WWOX: variants seen among roughly 807,000 people sequenced by gnomAD.
WWOX encodes the protein WW domain-containing oxidoreductase.
WWOX carries 69 observed loss-of-function variants against 46.2 expected under a neutral mutation model. The observed-to-expected ratio is 1.49, with a 90% CI of 1.23 to 1.82. The LOEUF (loss-of-function observed/expected upper bound fraction) is 1.82. Ranked by LOEUF, WWOX falls within the 40% of genes most tolerant of loss-of-function variation. The probability of loss-of-function intolerance (pLI) is 0.00; values close to 1 mark genes in which losing one functional copy is unlikely to be tolerated. For synonymous variants in WWOX, 359 were observed against 202.6 expected (o/e 1.77, Z -6.56); for missense variants, 919 against 542.6 (o/e 1.69, Z -6.89).
intron 8 of WWOX, among the ~76,000 whole-genome samples, chr16:78,882,577 A>G (rs1183035051): frequency 4.6e-5 from 7 of 151,440 alleles, no homozygotes; most frequent in Non-Finnish European, 7.4e-5. Flanking sequence ...CCCAGGTTCA[A>G]GTGATCCTCT....
chr16:78,653,481 C>T (rs1272348866), intron 8 of WWOX, among the ~76,000 whole-genome samples: 3 of 152,188 alleles, frequency 2.0e-5, no homozygotes, highest in Admixed American at 1.3e-4. Flanking sequence ...AGGTATGTGA[C>T]CCAGTTCTGA....
At chr16:79,119,766 G>T (rs1236353101) in intron 8 of WWOX, among the ~76,000 whole-genome samples, 1 of 152,174 alleles carries the variant, frequency 6.6e-6, no homozygotes, top group Non-Finnish European at 1.5e-5. Context: ...GCTTCTCCAC[G>T]ATGCTGTTGT....
At chr16:78,746,348 A>C (rs1432737502) in intron 8 of WWOX, among the ~76,000 whole-genome samples, 1 of 152,104 alleles carries the variant, frequency 6.6e-6, no homozygotes, top group Non-Finnish European at 1.5e-5. Context: ...AAATTTAAAA[A>C]TTAGCTGGGA....
At chr16:79,124,007 C>A (rs187031581) in intron 8 of WWOX, among the ~76,000 whole-genome samples, 1 of 152,172 alleles carries the variant, frequency 6.6e-6, no homozygotes, top group African/African-American at 2.4e-5. Context: ...TAAATAAACT[C>A]TGCCTTCTCG....
At chr16:78,911,649 TG>T (rs748805770) in intron 8 of WWOX, among the ~76,000 whole-genome samples, 1 of 151,980 alleles carries the variant, frequency 6.6e-6, no homozygotes, top group Non-Finnish European at 1.5e-5. Flanking sequence ...GCAGATCACT[TG>T]AAGTCAGGAG....
intron 8 of WWOX, among the ~76,000 whole-genome samples, chr16:78,844,123 T>A (rs1288614144): frequency 2.0e-5 from 3 of 152,152 alleles, no homozygotes; most frequent in Non-Finnish European, 4.4e-5. Flanking sequence ...ACCGATACTG[T>A]GGTTGAAATC....
intron 8 of WWOX, among the ~76,000 whole-genome samples, chr16:78,769,303 TC>T (rs2050004174): frequency 6.6e-6 from 1 of 152,142 alleles, no homozygotes; most frequent in Non-Finnish European, 1.5e-5. Flanking sequence ...TGTCCATCCA[TC>T]CATCCATCCT....
At chr16:78,150,250 C>T (rs1019253806) in intron 4 of WWOX, among the ~76,000 whole-genome samples, 12 of 152,164 alleles carry the variant, frequency 7.9e-5, no homozygotes, top group African/African-American at 2.4e-4. Context: ...ACAGATGAAG[C>T]GGTACATAGG....
chr16:79,002,210 T>A (rs958475035), intron 8 of WWOX, among the ~76,000 whole-genome samples: 1 of 136,268 alleles, frequency 7.3e-6, no homozygotes, highest in African/African-American at 2.7e-5. Context: ...TTGGGTGTCC[T>A]GCCTTTTTTT....
At chr16:78,129,648 C>A (rs1250118077) in intron 4 of WWOX, among the ~76,000 whole-genome samples, 3 of 151,744 alleles carry the variant, frequency 2.0e-5, no homozygotes, top group Admixed American at 6.6e-5. Flanking sequence ...GAGCCTGGAT[C>A]TGGCCTCCAG....
intron 6 of WWOX, among the ~76,000 whole-genome samples, chr16:78,408,004 T>C (rs1304900375): frequency 6.6e-6 from 1 of 152,192 alleles, no homozygotes; most frequent in African/African-American, 2.4e-5. Context: ...CAAGTTGGTA[T>C]GACTGGTGTA....
intron 8 of WWOX, among the ~76,000 whole-genome samples, chr16:78,985,472 C>G (rs972523422): frequency 2.0e-5 from 3 of 152,160 alleles, no homozygotes; most frequent in Admixed American, 6.5e-5. Flanking sequence ...GTCGCCTGCA[C>G]TACATTCAGA....
In WWOX at chr16:78,430,737, G is replaced by T. The variant is rs570865995; in HGVS notation, c.792-1751G>T. Among the ~76,000 whole-genome samples, 4 of 152,250 alleles carry T rather than the reference G, an allele frequency of 2.6e-5. No homozygotes were observed. The East Asian group carries it at 7.8e-4, about 30-fold the overall frequency. ...GTCTCATTTCTGTATCCTTGATGAC[G>T]TTTCTGGCCATCAGCTTTGTTGATG... On this transcript the variant is annotated intron_variant, in intron 7 of 8. Coordinates refer to ENST00000566780, the MANE Select transcript of WWOX (RefSeq NM_016373.4).
chr16:78,419,892 A>G (rs945456357), intron 6 of WWOX, among the ~76,000 whole-genome samples: 28 of 152,128 alleles, frequency 1.8e-4, no homozygotes, highest in African/African-American at 6.5e-4. Context: ...CAAATTAAAT[A>G]TTAAATAAGG....
chr16:79,123,824 TC>T (rs2049691931), intron 8 of WWOX, among the ~76,000 whole-genome samples: 1 of 152,190 alleles, frequency 6.6e-6, no homozygotes, highest in African/African-American at 2.4e-5. Context: ...CCCCGTGCCA[TC>T]CGATTAGTGA....
At chr16:78,867,977 C>A (rs1472347968) in intron 8 of WWOX, among the ~76,000 whole-genome samples, 1 of 152,180 alleles carries the variant, frequency 6.6e-6, no homozygotes, top group Non-Finnish European at 1.5e-5. Context: ...AACAGTTGTC[C>A]AGTGCCTTAA....
intron 6 of WWOX, among the ~76,000 whole-genome samples, chr16:78,412,307 A>T (rs1268201978): frequency 2.0e-5 from 3 of 152,164 alleles, no homozygotes; most frequent in Admixed American, 6.5e-5. Flanking sequence ...AGGAGAGAAG[A>T]TGAAGAGTTT....
At chr16:79,166,275 TG>T (rs2050592821) in intron 8 of WWOX, among the ~76,000 whole-genome samples, 1 of 152,222 alleles carries the variant, frequency 6.6e-6, no homozygotes, top group African/African-American at 2.4e-5. Flanking sequence ...CTCAGCAACC[TG>T]GGTGTTTCAG....
intron 8 of WWOX, among the ~76,000 whole-genome samples, chr16:78,757,536 C>A (rs59761960): frequency 0.061 from 9,318 of 152,166 alleles, 942 homozygotes; most frequent in African/African-American, 0.21. Flanking sequence ...GTTGGGGTTT[C>A]ACCATTTAAC....
Sources: allele counts gnomAD v4.1 joint callset (sites outside exome capture counted in the v4.1 genomes callset), GRCh38; gene constraint gnomAD v4.1.1; transcripts MANE v1.5; gene names NCBI Gene and HGNC (gene_info 2026-07-23, HGNC 2026-07-21).